ANGEL2: variants seen among roughly 807,000 people sequenced by gnomAD.
The protein encoded by ANGEL2 is RNA 2',3'-cyclic phosphatase ANGEL2.
A neutral mutation model predicts 66.0 loss-of-function variants in ANGEL2; 41 were observed. The observed-to-expected ratio is 0.62, with a 90% CI of 0.48 to 0.81. The LOEUF is 0.81. Ranked by LOEUF, ANGEL2 falls within the 30% of genes least tolerant of loss-of-function variation. The probability of loss-of-function intolerance (pLI) is 0.00; values close to 1 mark genes in which losing one functional copy is unlikely to be tolerated. For synonymous variants in ANGEL2, 208 were observed against 226.5 expected (o/e 0.92, Z 0.73); for missense variants, 561 against 641.6 (o/e 0.87, Z 1.36).
rs1445842753 is a variant in ANGEL2 at position 212,995,069 on chromosome 1, A to G, written c.1607T>C (p.Leu536Ser). The part of the protein sequence containing the change: ...NENNSSDHLP[L>S]LAKFRLEL ...GAGCTCAAGTCTGAACTTTGCCAAT[A>G]AAGGCAGATGATCTGAAGAGTTATT... Residue 536 changes from leucine to serine, a missense_variant, in exon 9 of 9, where the codon TTA becomes TCA. Physicochemically the swap from Leu to Ser is moderately radical, Grantham distance 145. Coordinates refer to ENST00000366962, the MANE Select transcript of ANGEL2 (RefSeq NM_144567.5). 1 of 1,610,762 alleles carries G rather than the reference A, an allele frequency of 6.2e-7. No individual in the cohort carries two copies. Among genetic ancestry groups the G allele is most frequent in the Non-Finnish European group, 8.5e-7 (1 of 1,178,466 alleles).
At chr1:212,995,917 G>T (rs2075983054) in intron 8 of ANGEL2, among the ~76,000 whole-genome samples, 1 of 152,158 alleles carries the variant, frequency 6.6e-6, no homozygotes, top group Non-Finnish European at 1.5e-5. Context: ...TAAAACAGCT[G>T]CTCACATTCC....
rs2148177005 is a variant in ANGEL2, at chr1:213,011,307, C to G, written c.385+1786G>C. On this transcript the variant is annotated intron_variant, in intron 2 of 8. Coordinates refer to ENST00000366962, the MANE Select transcript of ANGEL2 (RefSeq NM_144567.5). ...ATCAGGTTTTTAGGGTGCCTAATTACAAAGTCATAATTGTATCACACAAAT... is the reference window on the plus strand; with the variant it reads ...ATCAGGTTTTTAGGGTGCCTAATTAGAAAGTCATAATTGTATCACACAAAT... 9.4e-6 allele frequency: 12 copies of G among 1,275,648 alleles called. No individual in the cohort carries two copies. In the South Asian group the frequency reaches 1.5e-4, roughly 16 times the overall value. 79.0% of individuals were successfully genotyped at this position (1,275,648 alleles called of 1,614,324 possible).
At chr1:212,996,130 A>C (rs1296733816) in intron 8 of ANGEL2, among the ~76,000 whole-genome samples, 2 of 151,976 alleles carry the variant, frequency 1.3e-5, no homozygotes, top group Non-Finnish European at 2.9e-5. Context: ...ACACGGTGAA[A>C]TCCCGTCTCT....
At position 213,015,799 on chromosome 1, in the gene ANGEL2, A is replaced by C. The variant is rs902173397; in HGVS notation, c.-128T>G. 10 of 1,298,456 alleles carry C rather than the reference A, an allele frequency of 7.7e-6. No homozygotes were observed. In the Admixed American group the frequency reaches 2.0e-4, roughly 26 times the overall value. The allele number at this position is 1,298,456 out of a possible 1,614,324, so 80.4% of individuals were successfully genotyped here. On this transcript the variant is annotated 5_prime_UTR_variant, in exon 1 of 9. Coordinates refer to ENST00000366962, the MANE Select transcript of ANGEL2 (RefSeq NM_144567.5). ...AGTACCGACTCCAGTCCTGGCTGCA[A>C]GGCATGCTGGGAGGTGCAGTCTCGC...
chr1:213,014,091 C>G (rs2076577557), intron 1 of ANGEL2, among the ~76,000 whole-genome samples: 1 of 152,220 alleles, frequency 6.6e-6, no homozygotes, highest in Non-Finnish European at 1.5e-5. Flanking sequence ...TCCAAACCAA[C>G]AGCTTCAATT....
At chr1:213,000,950 T>C (rs755195844) in intron 5 of ANGEL2, 38 bp from the exon 6 acceptor site, 3 of 1,592,622 alleles carry the variant, frequency 1.9e-6, no homozygotes, top group Non-Finnish European at 2.6e-6. Flanking sequence ...AGTGAAAAGA[T>C]TTTAAATAGC....
chr1:213,015,393 C>A, intron 1 of ANGEL2: 4 of 1,423,614 alleles, frequency 2.8e-6, no homozygotes, highest in Non-Finnish European at 3.7e-6. Context: ...GCCAAGACCC[C>A]AGACCTCGTT....
chr1:212,993,832 G>C lies in ANGEL2; in HGVS notation c.*1209C>G, dbSNP rs1220506019. ...TCCAAGTTAATATCTCCCCACTAGA[G>C]TTTTACAGGCTTCCTCATATTTCTG... On this transcript the variant is annotated 3_prime_UTR_variant, in exon 9 of 9. Transcript: ENST00000366962. 1 of 152,154 alleles carries C rather than the reference G, an allele frequency of 6.6e-6. No individual in the cohort carries two copies. Among genetic ancestry groups the C allele is most frequent in the Non-Finnish European group, 1.5e-5 (1 of 68,032 alleles). 9.4% of individuals were successfully genotyped at this position (152,154 alleles called of 1,614,324 possible).
intron 6 of ANGEL2, 26 bp downstream of exon 6, chr1:213,000,758 ACT>A: frequency 6.3e-7 from 1 of 1,582,156 alleles, no homozygotes; most frequent in Non-Finnish European, 8.5e-7. Context: ...TACCCAGCAG[ACT>A]GCCAAAATGT....
chr1:213,014,107 C>CA (rs1046179313), intron 1 of ANGEL2, among the ~76,000 whole-genome samples: 2 of 152,174 alleles, frequency 1.3e-5, no homozygotes, highest in African/African-American at 4.8e-5. Context: ...CAATTTAACC[C>CA]ATCATCCAAA....
chr1:213,011,738 G>T (rs988659897), intron 2 of ANGEL2, among the ~76,000 whole-genome samples: 1 of 152,144 alleles, frequency 6.6e-6, no homozygotes, highest in Non-Finnish European at 1.5e-5. Flanking sequence ...GCAGGGAGTG[G>T]TTCCTAAATC....
chr1:213,003,762 G>GA lies in ANGEL2; in HGVS notation c.1134+1270dup, dbSNP rs35282242. On this transcript the variant is annotated intron_variant, in intron 5 of 8. Transcript: ENST00000366962. ...GACAGGAATTGAGCACATGCTGTTG[G>GA]AAAAATGGCAATGATAGAGCTGCTT... 5.0e-3 allele frequency among the ~76,000 whole-genome samples: 760 copies of GA among 152,266 alleles called. 6 individuals carry two copies. Among genetic ancestry groups the GA allele is most frequent in the African/African-American group, 0.018 (733 of 41,530 alleles).
chr1:213,005,330 A>C lies in ANGEL2; in HGVS notation c.837T>G (p.Ser279=), dbSNP rs202178970. The part of the protein sequence containing the change: ...NPVEFFRPDI[S]LLDRDNVGLV... ...ATCCAACATTGTCTCTGTCCAACAG[A>C]GAAATATCAGGGCGGAAGAATTCCA... The change falls in exon 5 of 9, where the codon TCT becomes TCG. Residue 279 remains serine (S), a synonymous_variant. Transcript: ENST00000366962. The C allele has an allele frequency of 5.6e-6, 9 of 1,614,276 alleles. No individual in the cohort carries two copies. In the Middle Eastern group the frequency reaches 4.9e-4, roughly 89 times the overall value.
At chr1:212,996,064 T>C (rs1470211821) in intron 8 of ANGEL2, among the ~76,000 whole-genome samples, 1 of 152,146 alleles carries the variant, frequency 6.6e-6, no homozygotes, top group Non-Finnish European at 1.5e-5. Context: ...TCCCAGCACT[T>C]TGGGAGGCCG....
chr1:213,008,464 C>T lies in ANGEL2; in HGVS notation c.388G>A (p.Val130Met), dbSNP rs150486074. Residue 130 changes from valine to methionine, a missense_variant and splice_region_variant, in exon 3 of 9, where the codon GTG (valine) becomes ATG (methionine). By Grantham distance (21) the Val-to-Met change is conservative. Coordinates refer to ENST00000366962, the MANE Select transcript of ANGEL2 (RefSeq NM_144567.5). ...PSSKRRKHQG[V>M]IKRNWEYICS... Reference sequence around the variant, plus strand: ...ATATATTCCCAATTCCGCTTTATCACACCTGTTAAAATATATTGCACAAAT... The same window carrying T: ...ATATATTCCCAATTCCGCTTTATCATACCTGTTAAAATATATTGCACAAAT... 5 of 1,611,820 alleles carry T rather than the reference C, an allele frequency of 3.1e-6. No individual in the cohort carries two copies. The highest frequency in any genetic ancestry group is 2.7e-5 in the African/African-American group (2 of 74,724).
intron 2 of ANGEL2, among the ~76,000 whole-genome samples, 195 bp from the exon 3 acceptor site, chr1:213,008,661 A>T (rs2076412577): frequency 6.6e-6 from 1 of 152,232 alleles, no homozygotes. Flanking sequence ...AACACAATAT[A>T]CTGACCAACA....
chr1:212,995,105 A>G lies in ANGEL2; in HGVS notation c.1571T>C (p.Leu524Pro), dbSNP rs2075959366. The G allele has an allele frequency of 1.2e-6, 2 of 1,612,546 alleles. No homozygotes were observed. Among genetic ancestry groups the G allele is most frequent in the South Asian group, 2.2e-5 (2 of 90,910 alleles). ...TEQDLWTVNG[L>P]PNENNSSDHL... ...ATCTGAAGAGTTATTTTCGTTTGGA[A>G]GTCCATTAACAGTCCATAAGTCTTG... Residue 524 changes from leucine (L) to proline (P), a missense_variant, in exon 9 of 9, where the codon CTT (leucine) becomes CCT (proline). Physicochemically the swap from Leu to Pro is moderately conservative, Grantham distance 98. Transcript: ENST00000366962.
chr1:212,994,985 C>T lies in ANGEL2; in HGVS notation c.*56G>A. On this transcript the variant is annotated 3_prime_UTR_variant, in exon 9 of 9. Coordinates refer to ENST00000366962, the MANE Select transcript of ANGEL2 (RefSeq NM_144567.5). ...AACATGCATACACTTAAGAACTTTA[C>T]ATTCTTTGAAAAACAATACAAATTG... 1 of 1,517,398 alleles carries T rather than the reference C, an allele frequency of 6.6e-7. No individual in the cohort carries two copies. The highest frequency in any genetic ancestry group is 8.9e-7 in the Non-Finnish European group (1 of 1,126,424). 94.0% of individuals were successfully genotyped at this position (1,517,398 alleles called of 1,614,324 possible). A position where few individuals can be genotyped will look rare whatever the true frequency, so the allele number is the denominator to read the frequency against.
rs1333398821 is a variant in ANGEL2, at chr1:212,996,319, C to CA, written c.1483+835dup. Among the ~76,000 whole-genome samples, 18 of 150,264 alleles carry CA rather than the reference C, an allele frequency of 1.2e-4. No individual in the cohort carries two copies. The South Asian group carries it at 1.7e-3, about 14-fold the overall frequency. ...AGACTCCGTCTCAAAAACAAACAAA[C>CA]AAAAAAATTATATAGACTTTTCTGA... On this transcript the variant is annotated intron_variant, in intron 8 of 8. Transcript: ENST00000366962.
Sources: allele counts gnomAD v4.1 joint callset (sites outside exome capture counted in the v4.1 genomes callset), GRCh38; gene constraint gnomAD v4.1.1; transcripts MANE v1.5; gene names NCBI Gene and HGNC (gene_info 2026-07-23, HGNC 2026-07-21).